SCAP: variants seen among roughly 807,000 people sequenced by gnomAD.
The protein encoded by SCAP is sterol regulatory element-binding protein cleavage-activating protein.
Under a neutral mutation model 123.6 loss-of-function variants are expected in SCAP, and 65 were observed. That is an observed-to-expected ratio of 0.53 (90% CI 0.43 to 0.65). The LOEUF is 0.65. SCAP is among the 30% of genes least tolerant of loss of function. SCAP has a pLI of 0.00. For synonymous variants in SCAP, 740 were observed against 726.3 expected (o/e 1.02, Z -0.30); for missense variants, 1,398 against 1,712.5 (o/e 0.82, Z 3.24).
Position 47,420,858 on chromosome 3 carries a change from C to G in SCAP, c.1344+73G>C, listed in dbSNP as rs1223561026. On this transcript the variant is annotated intron_variant, in intron 11 of 22. Transcript: ENST00000265565. This position sits in a 1 kb window ranked among gnomAD's most constrained non-coding sequence, Gnocchi z 5.0. The stretch of plus-strand genomic sequence containing the variant: ...CGCTGTCCTGCCCGAGGTCTACACC[C>G]TTCTCACCCAGGACTCCCTCAGTAC... The G allele has an allele frequency of 2.5e-6, 4 of 1,587,068 alleles. No homozygotes were observed. The highest frequency in any genetic ancestry group is 1.1e-5 in the South Asian group (1 of 90,380).
chr3:47,467,517 A>G (rs1707869069), intron 1 of SCAP, among the ~76,000 whole-genome samples: 1 of 152,060 alleles, frequency 6.6e-6, no homozygotes, highest in East Asian at 1.9e-4. Context: ...AGGTGGGAGG[A>G]TCACTTGGGA....
rs1325947215 is a variant in SCAP at position 47,427,532 on chromosome 3, C to T, written c.546G>A (p.Trp182Ter). 5.0e-6 allele frequency: 8 copies of T among 1,614,044 alleles called. No individual in the cohort carries two copies. The highest frequency in any genetic ancestry group is 5.1e-6 in the Non-Finnish European group (6 of 1,180,034). ...LSPGNFWQND[W>*]ERFHADPDII... The stretch of plus-strand genomic sequence containing the variant: ...TGTCAGGATCAGCATGGAAGCGTTC[C>T]CAGTCATTCTGCCAGAAGTTCCCAG... Residue 182 changes from tryptophan (W) to a stop codon, truncating the protein, a stop_gained, in exon 5 of 23, where the codon TGG (tryptophan) becomes TGA (stop). Transcript: ENST00000265565. LOFTEE classifies it high-confidence loss of function.
At chr3:47,430,808 G>A (rs1341291483) in intron 3 of SCAP, among the ~76,000 whole-genome samples, 1 of 151,856 alleles carries the variant, frequency 6.6e-6, no homozygotes. Flanking sequence ...CCAGCTGAGG[G>A]ATGAGGGGCT....
chr3:47,448,559 T>G (rs73079289), intron 1 of SCAP, among the ~76,000 whole-genome samples: 5,014 of 152,224 alleles, frequency 0.033, 123 homozygotes, highest in Non-Finnish European at 0.052. Flanking sequence ...GTTCATTTTT[T>G]TTTTTCATTT....
chr3:47,415,657 G>C (rs1186877691), intron 18 of SCAP, among the ~76,000 whole-genome samples: 1 of 152,132 alleles, frequency 6.6e-6, no homozygotes, highest in Non-Finnish European at 1.5e-5. Context: ...AAAGAAACAA[G>C]GATTTTCTTT....
chr3:47,422,409 T>TGCTCATCCA (rs1705942670), intron 10 of SCAP, 33 bp downstream of exon 10: 1 of 1,591,332 alleles, frequency 6.3e-7, no homozygotes, highest in African/African-American at 1.3e-5. Flanking sequence ...GTTGCTTCCA[T>TGCTCATCCA]GCTCATCCAG....
Position 47,418,654 on chromosome 3 carries a change from C to A in SCAP, c.2129+1G>T. On this transcript the variant is annotated splice_donor_variant, in intron 14 of 22. Transcript: ENST00000265565. LOFTEE classifies it high-confidence loss of function. ...CACCCCACCCCACCCAGCAGCCTTA[C>A]TTGTACAGCGTGACGTCTCCATGGG... The A allele has an allele frequency of 1.0e-6, 1 of 952,756 alleles. No homozygotes were observed. 59.0% of individuals were successfully genotyped at this position (952,756 alleles called of 1,614,324 possible).
chr3:47,460,972 C>T (rs1707618245), intron 1 of SCAP, among the ~76,000 whole-genome samples: 1 of 152,108 alleles, frequency 6.6e-6, no homozygotes, highest in Non-Finnish European at 1.5e-5. Context: ...TCACCTGGGC[C>T]CCTTTTCCTT....
rs751146724 is a variant in SCAP, at chr3:47,420,780, G to C, written c.1345-8C>G. The C allele has an allele frequency of 1.2e-6, 2 of 1,609,998 alleles. No individual in the cohort carries two copies. The highest frequency in any genetic ancestry group is 1.7e-6 in the Non-Finnish European group (2 of 1,179,192). Reference sequence around the variant, plus strand: ...CTTGTTCAGGTCTGCTAGCTGTTGGGGGCACAGTGGTCAGGGCCTGAGTCC... The same window carrying C: ...CTTGTTCAGGTCTGCTAGCTGTTGGCGGCACAGTGGTCAGGGCCTGAGTCC... On this transcript the variant is annotated splice_region_variant and splice_polypyrimidine_tract_variant and intron_variant, in intron 11 of 22. Transcript: ENST00000265565. This position sits in a 1 kb window ranked among gnomAD's most constrained non-coding sequence, Gnocchi z 5.0.
At position 47,466,666 on chromosome 3, in the gene SCAP, G is replaced by C. The variant is rs1707840418; in HGVS notation, c.-99+9133C>G. ...ATAGATCAAATAAATGAAAAAAGAA[G>C]AGCTAAAACTGTAAAGCCCTTAGAA... is the stretch of plus-strand genomic sequence containing the variant. On this transcript the variant is annotated intron_variant, in intron 1 of 22. Coordinates refer to ENST00000265565, the MANE Select transcript of SCAP (RefSeq NM_012235.4). Among the ~76,000 whole-genome samples, 3 of 151,944 alleles carry C rather than the reference G, an allele frequency of 2.0e-5. No individual in the cohort carries two copies. In the South Asian group the frequency reaches 6.2e-4, roughly 32 times the overall value.
At position 47,473,080 on chromosome 3, in the gene SCAP, C is replaced by CAAAAAAAAAAAA. The variant is rs34472664; in HGVS notation, c.-99+2707_-99+2718dup. The stretch of plus-strand genomic sequence containing the variant: ...GGGCAAGAAGAGCGAAACTCCATCT[C>CAAAAAAAAAAAA]AAAAAAAAAAAAAAAAAAACAGACT... On this transcript the variant is annotated intron_variant, in intron 1 of 22. Coordinates refer to ENST00000265565, the MANE Select transcript of SCAP (RefSeq NM_012235.4). Among the ~76,000 whole-genome samples, 53 of 38,044 alleles carry CAAAAAAAAAAAA rather than the reference C, an allele frequency of 1.4e-3. 9 individuals carry two copies. The highest frequency in any genetic ancestry group is 1.7e-3 in the Non-Finnish European group (39 of 23,272). The allele number at this position is 38,044 out of a possible 152,430, so 25.0% of individuals were successfully genotyped here.
At chr3:47,474,992 C>A (rs1302424246) in intron 1 of SCAP, among the ~76,000 whole-genome samples, 1 of 152,162 alleles carries the variant, frequency 6.6e-6, no homozygotes, top group East Asian at 1.9e-4. Flanking sequence ...ATAAAAGAAA[C>A]ACACGCAACG....
At chr3:47,468,805 C>A in intron 1 of SCAP, among the ~76,000 whole-genome samples, 1 of 152,054 alleles carries the variant, frequency 6.6e-6, no homozygotes, top group Non-Finnish European at 1.5e-5. Context: ...ATGCCTATGG[C>A]CTGAATGGTA....
intron 2 of SCAP, among the ~76,000 whole-genome samples, chr3:47,436,786 AACT>A (rs796569600): frequency 6.6e-6 from 1 of 152,232 alleles, no homozygotes; most frequent in South Asian, 2.1e-4. Flanking sequence ...ATATCTGTGT[AACT>A]ACTATCTAGA....
chr3:47,417,586 C>T lies in SCAP; in HGVS notation c.2688G>A (p.Arg896=). The T allele has an allele frequency of 6.3e-7, 1 of 1,595,634 alleles. No individual in the cohort carries two copies. ...GAGAGCGGCCACAGACCGCCCGGTG[C>T]CGGGGCTCGGGCTGAGTGGGCTGTG... ...RSSQPTQPEP[R]HRAVCGRSRD... Residue 896 remains arginine (R), a synonymous_variant, in exon 17 of 23, where the codon CGG becomes CGA. Transcript: ENST00000265565.
intron 1 of SCAP, among the ~76,000 whole-genome samples, chr3:47,455,594 C>CAAAAAAAAAAA (rs544006040): frequency 7.1e-5 from 3 of 42,424 alleles, no homozygotes; most frequent in African/African-American, 1.8e-4. Flanking sequence ...GACTCCACCT[C>CAAAAAAAAAAA]AAAAAAAAAA....
chr3:47,460,936 C>T (rs1249655391), intron 1 of SCAP, among the ~76,000 whole-genome samples: 1 of 152,104 alleles, frequency 6.6e-6, no homozygotes, highest in Non-Finnish European at 1.5e-5. Context: ...AGAAATGTGG[C>T]AAAGAAGAAA....
At chr3:47,465,873 G>A (rs1281768829) in intron 1 of SCAP, among the ~76,000 whole-genome samples, 3 of 150,424 alleles carry the variant, frequency 2.0e-5, no homozygotes, top group Non-Finnish European at 4.4e-5. Context: ...AGTGGCCCAC[G>A]CCTGTAATCC....
intron 9 of SCAP, among the ~76,000 whole-genome samples, 192 bp downstream of exon 9, chr3:47,423,741 A>G (rs1706007555): frequency 6.6e-6 from 1 of 152,176 alleles, no homozygotes; most frequent in Non-Finnish European, 1.5e-5. Flanking sequence ...GTACAGTCCA[A>G]TGGCCCCATG....
Sources: allele counts gnomAD v4.1 joint callset (sites outside exome capture counted in the v4.1 genomes callset), GRCh38; gene constraint gnomAD v4.1.1; non-coding constraint Gnocchi (gnomAD v3.1); transcripts MANE v1.5; gene names NCBI Gene and HGNC (gene_info 2026-07-23, HGNC 2026-07-21).